TRIM75: variants seen among roughly 807,000 people sequenced by gnomAD.
TRIM75 encodes tripartite motif-containing protein 75.
At chr4:165,059,194 G>C in the TRIM75 span, 4 of 780,012 alleles carry the variant, frequency 5.1e-6, no homozygotes, top group Non-Finnish European at 9.6e-6. Context: ...GAAGCTAAGT[G>C]CTCCATCTGT....
the TRIM75 span, chr4:165,060,520 C>A: frequency 1.3e-6 from 1 of 776,288 alleles, no homozygotes; most frequent in South Asian, 1.4e-5. Context: ...GATTCACAAC[C>A]TCTCAGAATC....
the TRIM75 span, chr4:165,059,308 C>T: frequency 1.3e-6 from 1 of 780,506 alleles, no homozygotes; most frequent in Non-Finnish European, 2.4e-6. Flanking sequence ...TTCCCTTGCC[C>T]TGTCTGTCGT....
the TRIM75 span, among the ~76,000 whole-genome samples, chr4:165,056,602 C>CTTTTTTTTT: frequency 3.1e-4 from 22 of 69,992 alleles, no homozygotes; most frequent in East Asian, 1.4e-3. Context: ...GTCTCTGTCT[C>CTTTTTTTTT]TTTTTTTTTT....
At chr4:165,056,684 G>A in the TRIM75 span, among the ~76,000 whole-genome samples, 14 of 127,642 alleles carry the variant, frequency 1.1e-4, no homozygotes, top group East Asian at 9.7e-4. Flanking sequence ...GTGTGATCTC[G>A]ACTCACCACA....
the TRIM75 span, among the ~76,000 whole-genome samples, chr4:165,055,536 G>A: frequency 6.6e-6 from 1 of 152,046 alleles, no homozygotes; most frequent in Non-Finnish European, 1.5e-5. Flanking sequence ...ACCCACCTTG[G>A]CCTCCCAAAG....
chr4:165,056,583 T>TC, the TRIM75 span, among the ~76,000 whole-genome samples: 196 of 147,412 alleles, frequency 1.3e-3, 3 homozygotes, highest in South Asian at 0.021. Context: ...TTTTTCTTTT[T>TC]CTTTCTCTGT....
At chr4:165,057,097 T>C in the TRIM75 span, among the ~76,000 whole-genome samples, 1 of 152,206 alleles carries the variant, frequency 6.6e-6, no homozygotes, top group Non-Finnish European at 1.5e-5. Context: ...CTTTAAAATC[T>C]GCTTGATACT....
At chr4:165,059,802 A>G in the TRIM75 span, 2 of 780,946 alleles carry the variant, frequency 2.6e-6, no homozygotes, top group Non-Finnish European at 4.8e-6. Flanking sequence ...ACTCAGTGCA[A>G]ACATAACAGC....
At chr4:165,055,841 G>C in the TRIM75 span, among the ~76,000 whole-genome samples, 31 of 152,124 alleles carry the variant, frequency 2.0e-4, no homozygotes, top group African/African-American at 7.5e-4. Context: ...TCAGCACTTT[G>C]GGAGGCCGAT....
the TRIM75 span, among the ~76,000 whole-genome samples, chr4:165,056,908 C>G: frequency 6.6e-6 from 1 of 152,046 alleles, no homozygotes; most frequent in African/African-American, 2.4e-5. Context: ...TGAGCCACTG[C>G]GCCCGGCCAA....
chr4:165,059,969 T>G, the TRIM75 span: 1 of 778,812 alleles, frequency 1.3e-6, no homozygotes, highest in Admixed American at 1.7e-5. Context: ...TAAAGAGAGA[T>G]GGCTGCAGTT....
chr4:165,058,243 C>G, the TRIM75 span, among the ~76,000 whole-genome samples: 1 of 152,212 alleles, frequency 6.6e-6, no homozygotes. Context: ...TGACAGCTCA[C>G]TGGAGCCTTG....
the TRIM75 span, among the ~76,000 whole-genome samples, chr4:165,056,645 C>T: frequency 1.7e-5 from 2 of 116,188 alleles, no homozygotes; most frequent in African/African-American, 3.2e-5. Context: ...GACAGAGTCT[C>T]GCTCTGTTGC....
At chr4:165,056,384 A>C in the TRIM75 span, among the ~76,000 whole-genome samples, 42 of 151,940 alleles carry the variant, frequency 2.8e-4, no homozygotes, top group Middle Eastern at 6.3e-3. Context: ...TGCATTTTCC[A>C]AAGAAAGGTC....
the TRIM75 span, chr4:165,059,353 C>A: frequency 2.6e-6 from 2 of 780,482 alleles, no homozygotes; most frequent in Middle Eastern, 2.2e-4. Flanking sequence ...AGGAGCAACA[C>A]CCAGCTGGGA....
chr4:165,059,301 C>T, the TRIM75 span: 3 of 780,518 alleles, frequency 3.8e-6, no homozygotes, highest in Admixed American at 5.1e-5. Context: ...GGAATTGTTC[C>T]CTTGCCCTGT....
At chr4:165,056,221 G>T in the TRIM75 span, among the ~76,000 whole-genome samples, 2 of 151,830 alleles carry the variant, frequency 1.3e-5, no homozygotes, top group East Asian at 1.9e-4. Context: ...ACTTTGAGAG[G>T]CCAGGAGTTC....
chr4:165,060,343 CT>C, the TRIM75 span: 3 of 780,920 alleles, frequency 3.8e-6, no homozygotes, highest in South Asian at 4.0e-5. Context: ...GCACCAGGGG[CT>C]TTTCCAACCC....
chr4:165,059,171 C>A, the TRIM75 span: 1 of 778,460 alleles, frequency 1.3e-6, no homozygotes. Flanking sequence ...CAGCTCTGAC[C>A]GGACTCCAAG....
Sources: gnomAD v4.1 joint callset for allele counts (sites outside exome capture counted in the v4.1 genomes callset) on GRCh38, gnomAD v4.1.1 for gene constraint, MANE v1.5 for transcripts, NCBI Gene and HGNC (gene_info 2026-07-23, HGNC 2026-07-21) for gene names.